Variants in CIB1 observed in about 807,000 individuals in gnomAD.
CIB1 encodes the protein calcium and integrin binding 1.
A neutral mutation model predicts 25.0 loss-of-function variants in CIB1; 19 were observed. The ratio of observed to expected loss-of-function variants is 0.76; its 90% confidence interval spans 0.53 to 1.12. The LOEUF (loss-of-function observed/expected upper bound fraction) is 1.12. Ranked by LOEUF, CIB1 falls within the 50% of genes most tolerant of loss-of-function variation. CIB1 has a pLI of 0.00. For synonymous variants in CIB1, 104 were observed against 98.5 expected (o/e 1.06, Z -0.33); for missense variants, 236 against 242.6 (o/e 0.97, Z 0.18).
chr15:90,258,962 A>G, the CIB1 span: 1 of 1,613,934 alleles, frequency 6.2e-7, no homozygotes, highest in Non-Finnish European at 8.5e-7. Flanking sequence ...TTAGTTCTTC[A>G]TTATTCCTGA....
chr15:90,261,786 G>C, the CIB1 span, among the ~76,000 whole-genome samples: 1 of 152,166 alleles, frequency 6.6e-6, no homozygotes, highest in Non-Finnish European at 1.5e-5. Flanking sequence ...TCTCAAAAAA[G>C]AAAAGAAAAG....
At chr15:90,257,562 C>T in the CIB1 span, 1 of 1,377,846 alleles carries the variant, frequency 7.3e-7, no homozygotes. Flanking sequence ...GGGTGGGGAG[C>T]AACAAGGTAA....
chr15:90,256,497 A>T, the CIB1 span, among the ~76,000 whole-genome samples: 2 of 151,892 alleles, frequency 1.3e-5, no homozygotes, highest in African/African-American at 2.4e-5. Context: ...CAGATATGTG[A>T]CCTTGGGCAA....
chr15:90,245,917 T>C, the CIB1 span: 4 of 152,178 alleles, frequency 2.6e-5, no homozygotes, highest in Non-Finnish European at 5.9e-5. Flanking sequence ...CTCCGAGCCC[T>C]GGGCTTTGAG....
chr15:90,232,666 G>A (rs192705459), intron 2 of CIB1, among the ~76,000 whole-genome samples: 115 of 152,320 alleles, frequency 7.5e-4, no homozygotes, highest in African/African-American at 2.7e-3. Flanking sequence ...CAGCACTTTG[G>A]GAGGCCAAGG....
At chr15:90,247,410 G>A in the CIB1 span, among the ~76,000 whole-genome samples, 4 of 150,470 alleles carry the variant, frequency 2.7e-5, no homozygotes, top group Non-Finnish European at 5.9e-5. Flanking sequence ...TGGGATTAGC[G>A]ATGTAGGCTG....
At chr15:90,255,040 G>A in the CIB1 span, among the ~76,000 whole-genome samples, 75,541 of 152,022 alleles carry the variant, frequency 0.5, 19,903 homozygotes, top group East Asian at 0.69. Context: ...CAGTGAGTGC[G>A]GCCAGTGATG....
the CIB1 span, chr15:90,257,541 A>T: frequency 8.5e-7 from 1 of 1,181,048 alleles, no homozygotes; most frequent in Non-Finnish European, 1.2e-6. Flanking sequence ...GAGACGAGAG[A>T]TCCTCGGGAG....
the CIB1 span, chr15:90,241,340 C>T: frequency 1.2e-6 from 2 of 1,614,230 alleles, no homozygotes; most frequent in Middle Eastern, 3.3e-4. Context: ...AGCCTGATCT[C>T]CCTGGGACTC....
the CIB1 span, chr15:90,261,970 G>A: frequency 6.7e-7 from 1 of 1,493,834 alleles, no homozygotes; most frequent in Non-Finnish European, 8.9e-7. Flanking sequence ...CATTCCCACA[G>A]CCCTACTCTT....
the CIB1 span, chr15:90,253,415 T>A: frequency 6.9e-7 from 1 of 1,443,280 alleles, no homozygotes; most frequent in South Asian, 1.3e-5. Context: ...GGCCCCAGAA[T>A]GACTATTCCC....
Position 90,233,594 on chromosome 15 carries a change from T to C in CIB1, c.86+75A>G, listed in dbSNP as rs1962558650. The C allele has an allele frequency of 2.6e-6, 4 of 1,523,780 alleles. No individual in the cohort carries two copies. The South Asian group carries it at 3.6e-5, about 14-fold the overall frequency. 94.4% of individuals were successfully genotyped at this position (1,523,780 alleles called of 1,614,324 possible). A position where few individuals can be genotyped will look rare whatever the true frequency, so the allele number is the denominator to read the frequency against. On this transcript the variant is annotated intron_variant, in intron 2 of 6. Transcript: ENST00000328649. ...CAGACCTCAGGCCAGCCCCCGCCCC[T>C]CCCTCGGGACAGCGCCCCCGAAGCT...
chr15:90,249,345 G>T, the CIB1 span, among the ~76,000 whole-genome samples: 2 of 152,068 alleles, frequency 1.3e-5, no homozygotes, highest in East Asian at 3.9e-4. Flanking sequence ...AACTGGCTTC[G>T]AAGCGGGAGG....
At chr15:90,258,770 G>C in the CIB1 span, 17 of 1,614,174 alleles carry the variant, frequency 1.1e-5, no homozygotes, top group Admixed American at 2.8e-4. Context: ...CTTTACCACG[G>C]ACTCATGCCT....
the CIB1 span, chr15:90,258,708 C>A: frequency 6.3e-7 from 1 of 1,582,404 alleles, no homozygotes; most frequent in South Asian, 1.1e-5. Flanking sequence ...CTCAGGTGGT[C>A]TGGGAAAGGG....
the CIB1 span, chr15:90,250,638 C>T: frequency 5.6e-6 from 9 of 1,613,070 alleles, no homozygotes; most frequent in African/African-American, 5.3e-5. Flanking sequence ...AGAATGGAGC[C>T]GAGTACCTGT....
intron 2 of CIB1, among the ~76,000 whole-genome samples, chr15:90,233,377 C>T (rs1055548991): frequency 6.6e-6 from 1 of 152,266 alleles, no homozygotes; most frequent in Non-Finnish European, 1.5e-5. Flanking sequence ...CGGCCCCTGC[C>T]GGACTGGGGC....
chr15:90,230,731 T>C (rs1188664065), intron 6 of CIB1, among the ~76,000 whole-genome samples: 1 of 149,980 alleles, frequency 6.7e-6, no homozygotes, highest in Non-Finnish European at 1.5e-5. Context: ...CACAGAGCAA[T>C]GACAATGGCA....
At chr15:90,255,846 A>G in the CIB1 span, 4 of 1,614,162 alleles carry the variant, frequency 2.5e-6, no homozygotes, top group South Asian at 4.4e-5. Flanking sequence ...TATCCCTCTG[A>G]GTACAACATC....
Sources: allele counts gnomAD v4.1 joint callset (sites outside exome capture counted in the v4.1 genomes callset), GRCh38; gene constraint gnomAD v4.1.1; transcripts MANE v1.5; gene names NCBI Gene and HGNC (gene_info 2026-07-23, HGNC 2026-07-21).